The following FREM2 variants were observed in gnomAD, a reference collection of about 807,000 sequenced individuals.
FREM2 encodes FRAS1-related extracellular matrix protein 2.
Under a neutral mutation model 219.9 loss-of-function variants are expected in FREM2, and 119 were observed. The observed-to-expected ratio is 0.54, with a 90% CI of 0.47 to 0.63. The LOEUF (loss-of-function observed/expected upper bound fraction) is 0.63, where lower values mean the gene tolerates loss of function less well. Ranked by LOEUF, FREM2 falls within the 30% of genes least tolerant of loss-of-function variation. FREM2 has a pLI of 0.00. For missense variants in FREM2, 4,030 were observed against 3,993.6 expected (o/e 1.01, Z -0.25); for synonymous variants, 1,562 against 1,522.8 (o/e 1.03, Z -0.60).
At chr13:38,747,489 T>A in intron 2 of FREM2, among the ~76,000 whole-genome samples, 1 of 120,890 alleles carries the variant, frequency 8.3e-6, no homozygotes. Flanking sequence ...ATAATATATA[T>A]ACACAAATAC....
At chr13:38,786,560 G>T (rs754425272) in intron 6 of FREM2, among the ~76,000 whole-genome samples, 2 of 152,016 alleles carry the variant, frequency 1.3e-5, no homozygotes, top group Non-Finnish European at 2.9e-5. Flanking sequence ...AAATCTAATA[G>T]CCCATGCTAA....
Position 38,784,804 on chromosome 13 carries a change from T to A in FREM2, c.6015T>A (p.Asp2005Glu). The A allele has an allele frequency of 1.2e-6, 2 of 1,614,098 alleles. No homozygotes were observed. Among genetic ancestry groups the A allele is most frequent in the Non-Finnish European group, 1.7e-6 (2 of 1,180,000 alleles). Residue 2005 changes from aspartate (D) to glutamate (E), a missense_variant, in exon 6 of 24, where the codon GAT becomes GAA. Physicochemically the swap from Asp to Glu is conservative, Grantham distance 45 (BLOSUM62 2). Transcript: ENST00000280481. ...AAGTTACAATCGTTCCTGACAAAGA[T>A]GATGGTGAGTACTAATTTACTTGAA... is the stretch of plus-strand genomic sequence containing the variant. Reference protein sequence around the residue: ...GAQVTIVPDKDDEPIFYFGDV... With the variant: ...GAQVTIVPDKEDEPIFYFGDV...
chr13:38,835,423 C>G (rs1227444062), intron 6 of FREM2, among the ~76,000 whole-genome samples: 1 of 152,092 alleles, frequency 6.6e-6, no homozygotes, highest in African/African-American at 2.4e-5. Context: ...ATTGTCTTGG[C>G]TATACGGGCT....
chr13:38,824,413 T>G (rs1876191427), intron 6 of FREM2, among the ~76,000 whole-genome samples: 1 of 152,094 alleles, frequency 6.6e-6, no homozygotes, highest in African/African-American at 2.4e-5. Flanking sequence ...TCTGGCTCGG[T>G]ACACAAATAA....
chr13:38,735,281 A>G (rs1871944129), intron 2 of FREM2, among the ~76,000 whole-genome samples: 1 of 152,222 alleles, frequency 6.6e-6, no homozygotes, highest in African/African-American at 2.4e-5. Context: ...CATCCCGTTT[A>G]TAGCAATCCT....
chr13:38,687,118 G>A lies in FREM2; in HGVS notation c.-227G>A. The A allele has an allele frequency of 1.7e-6, 1 of 598,302 alleles. No homozygotes were observed. Among genetic ancestry groups the A allele is most frequent in the Non-Finnish European group, 2.9e-6 (1 of 339,366 alleles). The allele number at this position is 598,302 out of a possible 1,614,324, so 37.1% of individuals were successfully genotyped here. On this transcript the variant is annotated 5_prime_UTR_variant, in exon 1 of 24. Transcript: ENST00000280481. The stretch of plus-strand genomic sequence containing the variant: ...AATTCTCCGCGCGATTGAGGCGCTA[G>A]CGGCGGAGCTGGACGGCCTGGGAAG...
chr13:38,780,768 T>A (rs1874087303), intron 4 of FREM2, among the ~76,000 whole-genome samples: 1 of 152,144 alleles, frequency 6.6e-6, no homozygotes, highest in African/African-American at 2.4e-5. Flanking sequence ...CACTTTGAAT[T>A]TTGGAACAAC....
Position 38,883,111 on chromosome 13 carries a change from A to T in FREM2, c.*2324A>T, listed in dbSNP as rs1393146317. 2 of 151,858 alleles carry T rather than the reference A, an allele frequency of 1.3e-5. No individual in the cohort carries two copies. The highest frequency in any genetic ancestry group is 2.9e-5 in the Non-Finnish European group (2 of 67,980). The allele number at this position is 151,858 out of a possible 1,614,324, so 9.4% of individuals were successfully genotyped here. ...ATCCTTCTCTGTCCTCTATTCTCTTACTCTCCTCTCTCCCTTTTTCCTTCC... is the reference window on the plus strand; with the variant it reads ...ATCCTTCTCTGTCCTCTATTCTCTTTCTCTCCTCTCTCCCTTTTTCCTTCC... On this transcript the variant is annotated 3_prime_UTR_variant, in exon 24 of 24. Coordinates refer to ENST00000280481, the MANE Select transcript of FREM2 (RefSeq NM_207361.6).
At chr13:38,835,808 T>C (rs1477584701) in intron 6 of FREM2, among the ~76,000 whole-genome samples, 1 of 152,266 alleles carries the variant, frequency 6.6e-6, no homozygotes, top group Non-Finnish European at 1.5e-5. Context: ...CCTGAGACTT[T>C]GCTGAAGTTG....
chr13:38,838,852 A>G (rs144203562), intron 6 of FREM2, among the ~76,000 whole-genome samples: 6,667 of 152,082 alleles, frequency 0.044, 222 homozygotes, highest in Middle Eastern at 0.099. Context: ...CTAGTTAGCA[A>G]TTCCTCAAAC....
intron 2 of FREM2, among the ~76,000 whole-genome samples, chr13:38,726,798 C>A (rs79398166): frequency 0.051 from 7,786 of 152,206 alleles, 643 homozygotes; most frequent in African/African-American, 0.17. Context: ...TCACATAGAC[C>A]TATGATTGTG....
chr13:38,707,601 C>T (rs1344730863), intron 2 of FREM2, among the ~76,000 whole-genome samples: 2 of 152,118 alleles, frequency 1.3e-5, no homozygotes, highest in East Asian at 1.9e-4. Context: ...TAATGTGCCA[C>T]CTGCTACCTT....
At chr13:38,806,371 G>C (rs973230902) in intron 6 of FREM2, among the ~76,000 whole-genome samples, 3 of 151,894 alleles carry the variant, frequency 2.0e-5, no homozygotes, top group African/African-American at 4.8e-5. Context: ...ATCTCTCCTA[G>C]AACTTGGGAA....
At chr13:38,788,801 T>C (rs1002664199) in intron 6 of FREM2, among the ~76,000 whole-genome samples, 1 of 152,136 alleles carries the variant, frequency 6.6e-6, no homozygotes, top group African/African-American at 2.4e-5. Context: ...ATGTATACTA[T>C]AAGATTCTAG....
intron 6 of FREM2, among the ~76,000 whole-genome samples, chr13:38,818,999 G>T (rs1027842179): frequency 6.6e-6 from 1 of 152,028 alleles, no homozygotes; most frequent in Non-Finnish European, 1.5e-5. Context: ...ATACAATACA[G>T]AAATATATCA....
intron 4 of FREM2, among the ~76,000 whole-genome samples, chr13:38,775,429 G>A (rs1031774802): frequency 2.6e-5 from 4 of 152,110 alleles, no homozygotes; most frequent in African/African-American, 7.2e-5. Flanking sequence ...AGCATAGGTC[G>A]TCATCTTAAG....
At chr13:38,843,841 C>T (rs9548489) in intron 6 of FREM2, among the ~76,000 whole-genome samples, 18,787 of 151,434 alleles carry the variant, frequency 0.12, 1,401 homozygotes, top group Admixed American at 0.21. Context: ...TATGCTGATG[C>T]TTAACCATTT....
chr13:38,779,252 A>G (rs1874011183), intron 4 of FREM2, among the ~76,000 whole-genome samples: 1 of 152,038 alleles, frequency 6.6e-6, no homozygotes, highest in Non-Finnish European at 1.5e-5. Context: ...GGGGAGGGAG[A>G]GCATTAGGAC....
At chr13:38,866,176 G>A (rs9603458) in intron 16 of FREM2, among the ~76,000 whole-genome samples, 4,948 of 152,162 alleles carry the variant, frequency 0.033, 120 homozygotes, top group African/African-American at 0.069. Flanking sequence ...ATAGGATTAT[G>A]TTGTAGTTCT....
Sources: allele counts gnomAD v4.1 joint callset (sites outside exome capture counted in the v4.1 genomes callset), GRCh38; gene constraint gnomAD v4.1.1; transcripts MANE v1.5; gene names NCBI Gene and HGNC (gene_info 2026-07-23, HGNC 2026-07-21).